PIK3R6: variants seen among roughly 807,000 people sequenced by gnomAD.
PIK3R6 encodes the protein phosphoinositide-3-kinase regulatory subunit 6.
In PIK3R6, 91 loss-of-function variants were observed where a neutral mutation model predicts 84.9. That is an observed-to-expected ratio of 1.07 (90% CI 0.90 to 1.28). PIK3R6 has a LOEUF of 1.28. PIK3R6 is among the 50% of genes most tolerant of loss of function. PIK3R6 has a pLI of 0.00. For synonymous variants in PIK3R6, 416 were observed against 411.4 expected (o/e 1.01, Z -0.13); for missense variants, 996 against 985.1 (o/e 1.01, Z -0.15).
In PIK3R6 at chr17:8,823,445, A is replaced by C. The variant is rs1179075091; in HGVS notation, c.1568T>G (p.Ile523Ser). The C allele has an allele frequency of 6.2e-7, 1 of 1,612,736 alleles. No homozygotes were observed. The highest frequency in any genetic ancestry group is 1.7e-5 in the Admixed American group (1 of 59,954). Residue 523 changes from isoleucine (I) to serine (S), a missense_variant, in exon 14 of 20, where the codon ATC becomes AGC. Ile to Ser is a moderately radical substitution (Grantham distance 142). Coordinates refer to ENST00000619866, the MANE Select transcript of PIK3R6 (RefSeq NM_001010855.4). The stretch of plus-strand genomic sequence containing the variant: ...GGTGCCCATGCGGATGTAGTAGGTG[A>C]TGACGTCTAGGATGAAGGGGTCCAC... ...RTVDPFILDV[I>S]TYYIRMGTQP...
At position 8,865,627 on chromosome 17, in the gene PIK3R6, C is replaced by T. The variant is rs567565045; in HGVS notation, c.-92+1902G>A. Among the ~76,000 whole-genome samples the T allele has an allele frequency of 8.2e-5, 12 of 145,874 alleles. No individual in the cohort carries two copies. In the East Asian group the frequency reaches 9.9e-4, roughly 12 times the overall value. On this transcript the variant is annotated intron_variant, in intron 1 of 19. Transcript: ENST00000619866. ...AGCTGTGTTTTTTTTTTTTTTGGAT[C>T]GGAGCGTGTGGTGAGTGAGCTGGCA...
In PIK3R6 at chr17:8,815,812, C is replaced by T. The variant is rs532950810; in HGVS notation, c.1995+3271G>A. Among the ~76,000 whole-genome samples the T allele has an allele frequency of 1.6e-4, 25 of 152,230 alleles. No individual in the cohort carries two copies. In the South Asian group the frequency reaches 5.2e-3, roughly 32 times the overall value. On this transcript the variant is annotated intron_variant, in intron 18 of 19. Transcript: ENST00000619866. Reference sequence around the variant, plus strand: ...ATAGGGAAGACCACAGAAAAAAGCCCGTCTGCTTTGGCTTGTGCGATGAGT... The same window carrying T: ...ATAGGGAAGACCACAGAAAAAAGCCTGTCTGCTTTGGCTTGTGCGATGAGT...
At chr17:8,827,327 G>T in intron 12 of PIK3R6, 33 bp from the exon 13 acceptor site, 1 of 1,543,996 alleles carries the variant, frequency 6.5e-7, no homozygotes, top group Non-Finnish European at 8.7e-7. Flanking sequence ...GACCCGTCAG[G>T]CCCTCTCTCC....
At chr17:8,821,112 C>T (rs1286633572) in intron 17 of PIK3R6, among the ~76,000 whole-genome samples, 1 of 152,134 alleles carries the variant, frequency 6.6e-6, no homozygotes, top group Non-Finnish European at 1.5e-5. Context: ...CTTGTTTGCT[C>T]CAAAATGATC....
intron 13 of PIK3R6, among the ~76,000 whole-genome samples, chr17:8,823,734 T>C (rs1391557443): frequency 6.6e-6 from 1 of 152,202 alleles, no homozygotes; most frequent in Non-Finnish European, 1.5e-5. Context: ...CAGAGACTAC[T>C]GAGCGCTGCT....
chr17:8,818,981 G>A, intron 18 of PIK3R6, 102 bp downstream of exon 18: 1 of 799,500 alleles, frequency 1.3e-6, no homozygotes, highest in Non-Finnish European at 1.9e-6. Flanking sequence ...AGAAAGGCTG[G>A]GAAGTCAGTT....
chr17:8,823,401 T>C lies in PIK3R6; in HGVS notation c.1612A>G (p.Ile538Val). Reference sequence around the variant, plus strand: ...GGGATGCTTACCTTGACTGTGTAGATCTGGAAATAGATGGGTTGGGTGCCC... The same window carrying C: ...GGGATGCTTACCTTGACTGTGTAGACCTGGAAATAGATGGGTTGGGTGCCC... ...RMGTQPIYFQ[I>V]YTVKIFFSDL... Residue 538 changes from isoleucine to valine, a missense_variant, in exon 14 of 20, where the codon ATC becomes GTC. By Grantham distance (29) the Ile-to-Val change is conservative. Transcript: ENST00000619866. 1 of 1,600,536 alleles carries C rather than the reference T, an allele frequency of 6.2e-7. No homozygotes were observed. The highest frequency in any genetic ancestry group is 8.6e-7 in the Non-Finnish European group (1 of 1,168,096).
In PIK3R6 at chr17:8,836,790, C is replaced by A; in HGVS notation, c.391+1G>T. 6.2e-7 allele frequency: 1 copy of A among 1,610,160 alleles called. No homozygotes were observed. The highest frequency in any genetic ancestry group is 8.5e-7 in the Non-Finnish European group (1 of 1,178,206). ...AGACAAAGATGCCCAGTGACTCTTA[C>A]CTGGGACAGCCATCTCCGTTTTCAG... On this transcript the variant is annotated splice_donor_variant, in intron 6 of 19. Coordinates refer to ENST00000619866, the MANE Select transcript of PIK3R6 (RefSeq NM_001010855.4). LOFTEE classifies it high-confidence loss of function.
chr17:8,820,261 GCAT>G (rs1164995379), intron 17 of PIK3R6, among the ~76,000 whole-genome samples: 2 of 152,010 alleles, frequency 1.3e-5, no homozygotes, highest in East Asian at 3.8e-4. Flanking sequence ...GAGGGTGCTG[GCAT>G]CATCAGACTG....
chr17:8,829,347 GAC>G (rs761184609), intron 10 of PIK3R6, among the ~76,000 whole-genome samples: 16 of 125,246 alleles, frequency 1.3e-4, no homozygotes, highest in South Asian at 7.7e-4. Context: ...AGCACACACA[GAC>G]ACACTGACAC....
rs116590397 is a variant in PIK3R6, at chr17:8,806,940, C to T, written c.1996-2787G>A. On this transcript the variant is annotated intron_variant, in intron 18 of 19. Coordinates refer to ENST00000619866, the MANE Select transcript of PIK3R6 (RefSeq NM_001010855.4). The stretch of plus-strand genomic sequence containing the variant: ...GACCTGCCTGGTTCTGAGAGGAAAG[C>T]ACAGCTACTGGAATTTTCCCCTAGC... 9.0e-3 allele frequency among the ~76,000 whole-genome samples: 1,365 copies of T among 152,304 alleles called. 18 individuals are homozygous for T. The highest frequency in any genetic ancestry group is 0.031 in the African/African-American group (1,301 of 41,560).
At chr17:8,845,600 A>G (rs1384259574) in intron 2 of PIK3R6, among the ~76,000 whole-genome samples, 1 of 152,038 alleles carries the variant, frequency 6.6e-6, no homozygotes, top group Non-Finnish European at 1.5e-5. Flanking sequence ...ATTTTCTCCC[A>G]TTCTGTAGGT....
Position 8,832,375 on chromosome 17 carries a change from CTTTTTTTTT to C in PIK3R6, c.802+505_802+513del, listed in dbSNP as rs759188865. ...TTATCATGACCAAATTACCCACCTT[CTTTTTTTTT>C]TTTTTTTTTTTTTTTTGAGACGGAG... On this transcript the variant is annotated intron_variant, in intron 9 of 19. Coordinates refer to ENST00000619866, the MANE Select transcript of PIK3R6 (RefSeq NM_001010855.4). Among the ~76,000 whole-genome samples the C allele has an allele frequency of 2.2e-4, 17 of 77,816 alleles. No individual in the cohort carries two copies. The South Asian group carries it at 5.9e-3, about 27-fold the overall frequency. 51.1% of individuals were successfully genotyped at this position (77,816 alleles called of 152,430 possible).
intron 13 of PIK3R6, among the ~76,000 whole-genome samples, chr17:8,824,742 T>C (rs1472103653): frequency 6.6e-6 from 1 of 152,160 alleles, no homozygotes; most frequent in East Asian, 1.9e-4. Flanking sequence ...CCCACTGTAA[T>C]AGCATCCAAG....
At chr17:8,823,302 G>A in intron 14 of PIK3R6, 85 bp downstream of exon 14, 1 of 1,035,890 alleles carries the variant, frequency 9.7e-7, no homozygotes, top group Admixed American at 2.0e-5. Context: ...ATGATTGGTG[G>A]CCTGGTGACC....
At position 8,839,617 on chromosome 17, in the gene PIK3R6, G is replaced by A. The variant is rs1385246907; in HGVS notation, c.94C>T (p.Gln32Ter). The A allele has an allele frequency of 1.9e-6, 3 of 1,568,618 alleles. No homozygotes were observed. Among genetic ancestry groups the A allele is most frequent in the Admixed American group, 1.9e-5 (1 of 52,824 alleles). ...GCTGCTGCCAGCTGGCTCTTACCTTGGTTGCTCTGCAGGGCAGGGGCCTGG... is the reference window on the plus strand; with the variant it reads ...GCTGCTGCCAGCTGGCTCTTACCTTAGTTGCTCTGCAGGGCAGGGGCCTGG... ...STQAPALQSN[Q>*]GMWRWSLHKK... is the part of the protein sequence containing the mutation. Residue 32 changes from glutamine (Q) to a stop codon, truncating the protein, a stop_gained, in exon 3 of 20, where the codon CAA (glutamine) becomes TAA (stop). Transcript: ENST00000619866. LOFTEE classifies it high-confidence loss of function. The surrounding 1 kb of genome is among the most constrained non-coding windows in gnomAD (Gnocchi z 4.2).
At chr17:8,806,292 G>C (rs1227782957) in intron 18 of PIK3R6, among the ~76,000 whole-genome samples, 1 of 152,230 alleles carries the variant, frequency 6.6e-6, no homozygotes, top group Admixed American at 6.5e-5. Context: ...GGTAGCCATG[G>C]GGCCAGCTCT....
At chr17:8,832,726 G>T (rs2088291764) in intron 9 of PIK3R6, among the ~76,000 whole-genome samples, 163 bp downstream of exon 9, 1 of 152,002 alleles carries the variant, frequency 6.6e-6, no homozygotes, top group Non-Finnish European at 1.5e-5. Context: ...TCTTAGTCCC[G>T]GTCCTGCCAA....
At chr17:8,822,474 G>C (rs1002384378) in intron 16 of PIK3R6, 113 bp downstream of exon 16, 5 of 1,270,376 alleles carry the variant, frequency 3.9e-6, no homozygotes, top group Middle Eastern at 1.8e-4. Context: ...GCAGCTTCAA[G>C]AAAAGGGGCA....
Sources: allele counts gnomAD v4.1 joint callset (sites outside exome capture counted in the v4.1 genomes callset), GRCh38; gene constraint gnomAD v4.1.1; non-coding constraint Gnocchi (gnomAD v3.1); transcripts MANE v1.5; gene names NCBI Gene and HGNC (gene_info 2026-07-23, HGNC 2026-07-21).